KIAA2012: variants seen among roughly 807,000 people sequenced by gnomAD.
The protein encoded by KIAA2012 is uncharacterized protein KIAA2012.
In KIAA2012, 125 loss-of-function variants were observed where a neutral mutation model predicts 150.6. The observed-to-expected ratio is 0.83, with a 90% CI of 0.72 to 0.96. The LOEUF is 0.96. Ranked by LOEUF, KIAA2012 falls within the 40% of genes least tolerant of loss-of-function variation. The probability of loss-of-function intolerance (pLI) is 0.00; values close to 1 mark genes in which losing one functional copy is unlikely to be tolerated. For missense variants in KIAA2012, 1,219 were observed against 1,354.9 expected (o/e 0.90, Z 1.57); for synonymous variants, 462 against 504.7 (o/e 0.92, Z 1.13).
At position 202,074,895 on chromosome 2, in the gene KIAA2012, A is replaced by G; in HGVS notation, c.89A>G (p.Tyr30Cys). Residue 30 changes from tyrosine (Y) to cysteine (C), a missense_variant, in exon 2 of 24, where the codon TAC (tyrosine) becomes TGC (cysteine). Physicochemically the swap from Tyr to Cys is radical, Grantham distance 194. Transcript: ENST00000498697. ...AGTGGCTGCTTCTCATTGCAGGATT[A>G]CTTGAACTGGAGGTCCCCAGAAGAC... ...KLEVYFEPED[Y>C]LNWRSPEDYV... 6.5e-7 allele frequency: 1 copy of G among 1,544,774 alleles called. No individual in the cohort carries two copies. The highest frequency in any genetic ancestry group is 1.2e-5 in the South Asian group (1 of 82,850).
chr2:202,172,067 C>T (rs560202559), intron 15 of KIAA2012, among the ~76,000 whole-genome samples: 2 of 152,198 alleles, frequency 1.3e-5, no homozygotes, highest in South Asian at 4.1e-4. Flanking sequence ...CGGGCTTACG[C>T]CCGCGTCGGC....
intron 11 of KIAA2012, chr2:202,116,465 CTTTTTTTTTT>C (rs746305557): frequency 3.4e-5 from 2 of 57,986 alleles, no homozygotes; most frequent in African/African-American, 8.1e-5. Flanking sequence ...CCATGCCCGG[CTTTTTTTTTT>C]TTTTTTTTTT....
At chr2:202,117,082 T>C (rs1162278528) in intron 11 of KIAA2012, 1 of 152,248 alleles carries the variant, frequency 6.6e-6, no homozygotes, top group African/African-American at 2.4e-5. Context: ...GCTGACACTC[T>C]GTCTGTGACC....
At chr2:202,194,166 C>G (rs1692366867) in intron 20 of KIAA2012, 24 bp from the exon 21 acceptor site, 25 of 1,549,836 alleles carry the variant, frequency 1.6e-5, no homozygotes, top group Non-Finnish European at 2.2e-5. Flanking sequence ...CTGCCATTTC[C>G]CTGACCATCT....
At chr2:202,074,569 A>G (rs1168813618) in intron 1 of KIAA2012, among the ~76,000 whole-genome samples, 2 of 152,174 alleles carry the variant, frequency 1.3e-5, no homozygotes, top group Admixed American at 1.3e-4. Flanking sequence ...TGCTGCCCTT[A>G]ATAATTCTGA....
chr2:202,160,648 C>T (rs1245987531), intron 14 of KIAA2012, among the ~76,000 whole-genome samples: 7 of 152,098 alleles, frequency 4.6e-5, no homozygotes, highest in Admixed American at 1.3e-4. Context: ...ATGTAGGGGA[C>T]TTTTCTGTTA....
At chr2:202,082,097 C>T (rs1243438804) in intron 2 of KIAA2012, among the ~76,000 whole-genome samples, 3 of 152,088 alleles carry the variant, frequency 2.0e-5, no homozygotes, top group East Asian at 3.9e-4. Context: ...TTTTTATGTG[C>T]GTGTTGACCA....
intron 12 of KIAA2012, chr2:202,136,662 A>G (rs1481371258): frequency 6.6e-6 from 1 of 152,268 alleles, no homozygotes; most frequent in African/African-American, 2.4e-5. Context: ...CCCACCCGGA[A>G]CCCGCGCCGG....
At chr2:202,144,079 A>C (rs1287693989) in intron 13 of KIAA2012, among the ~76,000 whole-genome samples, 1 of 152,226 alleles carries the variant, frequency 6.6e-6, no homozygotes, top group Non-Finnish European at 1.5e-5. Flanking sequence ...TAAAATAAGA[A>C]AGAAAGCATC....
At chr2:202,177,946 C>T (rs1332209429) in intron 15 of KIAA2012, among the ~76,000 whole-genome samples, 4 of 152,172 alleles carry the variant, frequency 2.6e-5, no homozygotes, top group Non-Finnish European at 4.4e-5. Flanking sequence ...TGCCTGTAAT[C>T]CCAGCACTTT....
At chr2:202,159,554 G>A (rs916007076) in intron 14 of KIAA2012, among the ~76,000 whole-genome samples, 5 of 152,048 alleles carry the variant, frequency 3.3e-5, no homozygotes, top group African/African-American at 1.2e-4. Context: ...AATAATACTG[G>A]GACCTGACAG....
chr2:202,155,446 C>T (rs752365501), intron 14 of KIAA2012, among the ~76,000 whole-genome samples: 2 of 152,078 alleles, frequency 1.3e-5, no homozygotes, highest in African/African-American at 2.4e-5. Context: ...TCCTTTTCAT[C>T]GCACACTCTC....
rs571686717 is a variant in KIAA2012, at chr2:202,125,935, C to CTTTTTTTTTTTTTTTTTTTTTTTTTT, written c.1831+664_1831+689dup. On this transcript the variant is annotated intron_variant, in intron 12 of 23. Transcript: ENST00000498697. ...GAAATGTGAGTGGTGTTCCTGGCTG[C>CTTTTTTTTTTTTTTTTTTTTTTTTTT]TTTTTTTTTTTTTTTTTTTTTTTTT... The CTTTTTTTTTTTTTTTTTTTTTTTTTT allele has an allele frequency of 2.4e-5, 3 of 126,960 alleles. 1 individual carries two copies. The highest frequency in any genetic ancestry group is 2.8e-5 in the Non-Finnish European group (2 of 72,530). 7.9% of individuals were successfully genotyped at this position (126,960 alleles called of 1,614,324 possible). A position where few individuals can be genotyped will look rare whatever the true frequency, so the allele number is the denominator to read the frequency against.
At chr2:202,197,380 T>C (rs13015146) in intron 22 of KIAA2012, 133,575 of 287,632 alleles carry the variant, frequency 0.46, 31,577 homozygotes, top group African/African-American at 0.49. Context: ...CCACTGCCTG[T>C]CTTGATATCT....
chr2:202,100,264 T>C, intron 6 of KIAA2012, 43 bp from the exon 7 acceptor site: 1 of 1,531,778 alleles, frequency 6.5e-7, no homozygotes, highest in African/African-American at 1.4e-5. Flanking sequence ...TTCATCCCCC[T>C]ACCTGCAATT....
At chr2:202,111,187 G>A (rs1690339662) in intron 10 of KIAA2012, among the ~76,000 whole-genome samples, 5 of 152,148 alleles carry the variant, frequency 3.3e-5, no homozygotes, top group Admixed American at 3.3e-4. Flanking sequence ...CTTATAAAGG[G>A]AGAATCTGAT....
At chr2:202,092,958 C>A (rs1165414887) in intron 3 of KIAA2012, 72 bp from the exon 4 acceptor site, 25 of 1,353,548 alleles carry the variant, frequency 1.8e-5, no homozygotes, top group Non-Finnish European at 2.2e-5. Flanking sequence ...AGTGAGGAAC[C>A]TTGTAGTTAC....
At chr2:202,168,983 C>T (rs1691829389) in intron 15 of KIAA2012, among the ~76,000 whole-genome samples, 1 of 152,190 alleles carries the variant, frequency 6.6e-6, no homozygotes, top group Non-Finnish European at 1.5e-5. Flanking sequence ...GTTGGTACAA[C>T]TGTTCTAACA....
intron 23 of KIAA2012, among the ~76,000 whole-genome samples, chr2:202,204,002 C>T (rs1330141710): frequency 1.3e-5 from 2 of 151,894 alleles, no homozygotes. Context: ...ATCTCCTGAC[C>T]TTGTGATCCG....
Sources: allele counts gnomAD v4.1 joint callset (sites outside exome capture counted in the v4.1 genomes callset), GRCh38; gene constraint gnomAD v4.1.1; transcripts MANE v1.5; gene names NCBI Gene and HGNC (gene_info 2026-07-23, HGNC 2026-07-21).